Variants in DYNLT2B observed in about 807,000 individuals in gnomAD.
DYNLT2B encodes the protein dynein light chain Tctex-type protein 2B.
Under a neutral mutation model 19.5 loss-of-function variants are expected in DYNLT2B, and 14 were observed. That is an observed-to-expected ratio of 0.72 (90% CI 0.47 to 1.12). The LOEUF (loss-of-function observed/expected upper bound fraction) is 1.12, where lower values mean the gene tolerates loss of function less well. Ranked by LOEUF, DYNLT2B falls within the 50% of genes most tolerant of loss-of-function variation. The probability of loss-of-function intolerance (pLI) is 0.00; values close to 1 mark genes in which losing one functional copy is unlikely to be tolerated. For synonymous variants in DYNLT2B, 70 were observed against 59.7 expected (o/e 1.17, Z -0.79); for missense variants, 133 against 174.7 (o/e 0.76, Z 1.35).
chr3:196,293,763 G>C (rs539867773), intron 4 of DYNLT2B, among the ~76,000 whole-genome samples: 1 of 147,550 alleles, frequency 6.8e-6, no homozygotes, highest in South Asian at 2.2e-4. Flanking sequence ...TCCTGCCTCA[G>C]CCTCCCGAGT....
intron 3 of DYNLT2B, among the ~76,000 whole-genome samples, chr3:196,299,148 A>C (rs1005848157): frequency 1.3e-5 from 2 of 150,094 alleles, no homozygotes; most frequent in South Asian, 2.1e-4. Context: ...GCAGTGGCAC[A>C]ATCTTGGCTC....
At chr3:196,303,042 A>G (rs1021394639) in intron 3 of DYNLT2B, among the ~76,000 whole-genome samples, 1 of 152,086 alleles carries the variant, frequency 6.6e-6, no homozygotes, top group Non-Finnish European at 1.5e-5. Flanking sequence ...CACTGCTCCT[A>G]AGATCAGCGC....
chr3:196,301,685 C>A (rs4916476), intron 3 of DYNLT2B, among the ~76,000 whole-genome samples: 47,109 of 151,510 alleles, frequency 0.31, 8,542 homozygotes, highest in East Asian at 0.83. Flanking sequence ...TGCACTCCAG[C>A]CTGGGTGACA....
At position 196,318,071 on chromosome 3, in the gene DYNLT2B, T is replaced by C; in HGVS notation, c.82A>G (p.Thr28Ala). Residue 28 changes from threonine to alanine, a missense_variant, in exon 1 of 5, where the codon ACC becomes GCC. Transcript: ENST00000325318. ...TGGAAAACAGGCCGCAGAATATAGG[T>C]GTTCTCGGGCTCCCCTGCGTTCTTC... Reference protein sequence around the residue: ...AEKNAGEPENTYILRPVFQQR... With the variant: ...AEKNAGEPENAYILRPVFQQR... 6.4e-7 allele frequency: 1 copy of C among 1,559,560 alleles called. No individual in the cohort carries two copies. The highest frequency in any genetic ancestry group is 8.6e-7 in the Non-Finnish European group (1 of 1,157,228).
intron 4 of DYNLT2B, among the ~76,000 whole-genome samples, chr3:196,294,319 C>T (rs1726170458): frequency 6.6e-6 from 1 of 152,114 alleles, no homozygotes; most frequent in Admixed American, 6.5e-5. Flanking sequence ...TGCACTCCAT[C>T]CTGGGCAACA....
chr3:196,316,807 T>G lies in DYNLT2B; in HGVS notation c.114-576A>C, dbSNP rs371540861. Among the ~76,000 whole-genome samples, 1,411 of 151,154 alleles carry G rather than the reference T, an allele frequency of 9.3e-3. 21 individuals carry two copies. Among genetic ancestry groups the G allele is most frequent in the African/African-American group, 0.032 (1,305 of 41,216 alleles). On this transcript the variant is annotated intron_variant, in intron 1 of 4. Transcript: ENST00000325318. Reference sequence around the variant, plus strand: ...CCATATTTGCCAAGCAAATATGGGGTGTGTGTGTGTGTGTAAAGTTAGTGA... The same window carrying G: ...CCATATTTGCCAAGCAAATATGGGGGGTGTGTGTGTGTGTAAAGTTAGTGA...
At position 196,316,190 on chromosome 3, in the gene DYNLT2B, A is replaced by ATG; in HGVS notation, c.154_155insCA (p.Leu52ProfsTer31). The ATG allele has an allele frequency of 1.9e-6, 3 of 1,613,920 alleles. No individual in the cohort carries two copies. Among genetic ancestry groups the ATG allele is most frequent in the Non-Finnish European group, 2.5e-6 (3 of 1,179,912 alleles). On this transcript the variant is annotated frameshift_variant, in exon 2 of 5. Transcript: ENST00000325318. LOFTEE classifies it high-confidence loss of function. ...TTCAGCATTTGCCAGTTCCTCCTTG[A>ATG]GCACAGCATGGATACAGTCTTTAAC...
chr3:196,307,583 G>A (rs773744276), intron 2 of DYNLT2B, among the ~76,000 whole-genome samples: 2 of 152,016 alleles, frequency 1.3e-5, no homozygotes, highest in South Asian at 2.1e-4. Context: ...GATTACAGGC[G>A]TGAGCCACCG....
chr3:196,299,547 A>C (rs954977892), intron 3 of DYNLT2B, among the ~76,000 whole-genome samples: 2 of 152,152 alleles, frequency 1.3e-5, no homozygotes, highest in African/African-American at 4.8e-5. Context: ...AACAAAGCTA[A>C]GGAGGTAAAA....
chr3:196,294,918 T>G (rs1345877978), intron 4 of DYNLT2B, among the ~76,000 whole-genome samples: 3 of 151,506 alleles, frequency 2.0e-5, no homozygotes, highest in Non-Finnish European at 4.4e-5. Flanking sequence ...GTGTGTGTGT[T>G]TTTAGCAGAG....
chr3:196,293,149 C>A (rs149576799), intron 4 of DYNLT2B, among the ~76,000 whole-genome samples: 1 of 152,142 alleles, frequency 6.6e-6, no homozygotes, highest in Non-Finnish European at 1.5e-5. Flanking sequence ...CCACCACACC[C>A]AGCCTAAAGT....
intron 3 of DYNLT2B, among the ~76,000 whole-genome samples, chr3:196,299,385 CTAA>C (rs1209024730): frequency 1.3e-5 from 2 of 151,590 alleles, no homozygotes; most frequent in Admixed American, 1.3e-4. Flanking sequence ...GTGCTTGGCC[CTAA>C]TTTTTTGTAT....
At chr3:196,296,505 A>G (rs1033711640) in intron 3 of DYNLT2B, among the ~76,000 whole-genome samples, 1 of 152,222 alleles carries the variant, frequency 6.6e-6, no homozygotes, top group African/African-American at 2.4e-5. Context: ...CTAACGAATT[A>G]TAACTCCAAA....
At chr3:196,291,533 C>T (rs1726095744) in intron 4 of DYNLT2B, among the ~76,000 whole-genome samples, 159 bp from the exon 5 acceptor site, 2 of 152,044 alleles carry the variant, frequency 1.3e-5, no homozygotes, top group Admixed American at 1.3e-4. Context: ...GGCTGGAGTG[C>T]AGTGGTGTGA....
chr3:196,302,786 AAAG>A (rs1408588082), intron 3 of DYNLT2B, among the ~76,000 whole-genome samples: 4 of 152,118 alleles, frequency 2.6e-5, no homozygotes, highest in Non-Finnish European at 1.5e-5. Context: ...TGAGACAGTG[AAAG>A]AGATCCAACC....
At chr3:196,307,331 T>G (rs1726514188) in intron 2 of DYNLT2B, among the ~76,000 whole-genome samples, 1 of 152,164 alleles carries the variant, frequency 6.6e-6, no homozygotes, top group African/African-American at 2.4e-5. Context: ...AGATGGATTC[T>G]CACTCTGTTG....
At chr3:196,300,849 G>T (rs1310248929) in intron 3 of DYNLT2B, among the ~76,000 whole-genome samples, 1 of 151,822 alleles carries the variant, frequency 6.6e-6, no homozygotes, top group African/African-American at 2.4e-5. Flanking sequence ...CTTGAGCCAA[G>T]GACTTCAAGA....
chr3:196,306,247 C>CGAAA (rs1560189877), intron 3 of DYNLT2B, among the ~76,000 whole-genome samples: 3 of 104,582 alleles, frequency 2.9e-5, no homozygotes, highest in Non-Finnish European at 4.0e-5. Context: ...CCCATCTCTG[C>CGAAA]AAAAAAAAAA....
chr3:196,298,210 A>G (rs999721733), intron 3 of DYNLT2B: 15 of 296,384 alleles, frequency 5.1e-5, no homozygotes, highest in Non-Finnish European at 9.4e-5. Context: ...ACTTGTGAGA[A>G]GACATGACAA....
Sources: allele counts gnomAD v4.1 joint callset (sites outside exome capture counted in the v4.1 genomes callset), GRCh38; gene constraint gnomAD v4.1.1; transcripts MANE v1.5; gene names NCBI Gene and HGNC (gene_info 2026-07-23, HGNC 2026-07-21).